Variants in SLC39A10 observed in about 807,000 individuals in gnomAD.
The protein encoded by SLC39A10 is solute carrier family 39 member 10, also known as zinc transporter ZIP10.
Under a neutral mutation model 65.1 loss-of-function variants are expected in SLC39A10, and 13 were observed. The ratio of observed to expected loss-of-function variants is 0.20; its 90% confidence interval spans 0.13 to 0.32. SLC39A10 has a LOEUF of 0.32. Among genes scored for constraint, SLC39A10 ranks in the 10% least tolerant of loss-of-function variants. The pLI, the probability that SLC39A10 is intolerant of heterozygous loss-of-function variation, is 1.00. For synonymous variants in SLC39A10, 321 were observed against 342.2 expected (o/e 0.94, Z 0.68); for missense variants, 831 against 1,018.4 (o/e 0.82, Z 2.50).
chr2:195,696,054 C>G (rs1387765374), intron 3 of SLC39A10, among the ~76,000 whole-genome samples: 1 of 152,110 alleles, frequency 6.6e-6, no homozygotes, highest in Non-Finnish European at 1.5e-5. Flanking sequence ...TTCTTTCTGT[C>G]ATTAAATGAT....
intron 8 of SLC39A10, among the ~76,000 whole-genome samples, chr2:195,727,215 G>C (rs1019455172): frequency 5.3e-5 from 8 of 152,124 alleles, no homozygotes; most frequent in African/African-American, 1.9e-4. Context: ...GGCGGGAGGA[G>C]AGTCCATTGA....
chr2:195,735,468 C>T lies in SLC39A10; in HGVS notation c.*427C>T, dbSNP rs1227275190. On this transcript the variant is annotated 3_prime_UTR_variant, in exon 10 of 10. Coordinates refer to ENST00000359634, the MANE Select transcript of SLC39A10 (RefSeq NM_020342.3). ...TGTGTTTTAAGAATGAATTGTAGTG[C>T]TCTTTAATTCAGCTACATATATTCA... 1.3e-5 allele frequency: 2 copies of T among 152,928 alleles called. No individual in the cohort carries two copies. The highest frequency in any genetic ancestry group is 4.8e-5 in the African/African-American group (2 of 41,422). The allele number at this position is 152,928 out of a possible 1,614,324, so 9.5% of individuals were successfully genotyped here.
At chr2:195,685,333 T>C (rs533137798) in intron 3 of SLC39A10, among the ~76,000 whole-genome samples, 2 of 152,288 alleles carry the variant, frequency 1.3e-5, no homozygotes, top group South Asian at 4.1e-4. Flanking sequence ...ATCACTAATA[T>C]ATATTTTTTA....
Position 195,728,065 on chromosome 2 carries a change from A to G in SLC39A10, c.2147-94A>G, listed in dbSNP as rs1692308608. On this transcript the variant is annotated intron_variant, in intron 8 of 9. Transcript: ENST00000359634. The surrounding 1 kb of genome is among the most constrained non-coding windows in gnomAD (Gnocchi z 4.4). ...TAAAATACTGTTATTAAAAGTGTGT[A>G]TCTTTTTAATGCTGATTTTATTTGT... The G allele has an allele frequency of 2.6e-6, 3 of 1,134,848 alleles. No individual in the cohort carries two copies. The highest frequency in any genetic ancestry group is 2.3e-4 in the Middle Eastern group (1 of 4,346). The allele number at this position is 1,134,848 out of a possible 1,614,324, so 70.3% of individuals were successfully genotyped here.
intron 1 of SLC39A10, among the ~76,000 whole-genome samples, chr2:195,666,771 T>C (rs1447050536): frequency 6.6e-6 from 1 of 152,236 alleles, no homozygotes; most frequent in African/African-American, 2.4e-5. Flanking sequence ...TGGTTAGCAC[T>C]GTAAGTCTGC....
At position 195,634,639 on chromosome 2, in the gene SLC39A10, A is replaced by T. The variant is rs565618168; in HGVS notation, c.-12+28406A>T. Among the ~76,000 whole-genome samples the T allele has an allele frequency of 3.3e-5, 5 of 152,342 alleles. No homozygotes were observed. In the East Asian group the frequency reaches 9.6e-4, roughly 29 times the overall value. Reference sequence around the variant, plus strand: ...AATATGTATGAGTAAAGATGCTTTCAACTGTAAGGAACAAAAAATCCTTCT... The same window carrying T: ...AATATGTATGAGTAAAGATGCTTTCTACTGTAAGGAACAAAAAATCCTTCT... On this transcript the variant is annotated intron_variant, in intron 2 of 2. Coordinates refer to the SLC39A10 transcript ENST00000458054.
Position 195,716,896 on chromosome 2 carries a change from T to C in SLC39A10, c.1956T>C (p.His652=). The change falls in exon 7 of 10, where the codon CAT becomes CAC. Residue 652 remains histidine (H), a synonymous_variant. Transcript: ENST00000359634. ...ACCACAAGCATTCTCATCATTCCCA[T>C]GGCCCCTGTCATTCTGGATCCGATC... ...QWHHKHSHHS[H]GPCHSGSDLK... 6.2e-7 allele frequency: 1 copy of C among 1,614,194 alleles called. No homozygotes were observed. Among genetic ancestry groups the C allele is most frequent in the Non-Finnish European group, 8.5e-7 (1 of 1,180,028 alleles).
intron 2 of SLC39A10, among the ~76,000 whole-genome samples, chr2:195,682,479 A>G (rs962675906): frequency 3.1e-4 from 46 of 150,668 alleles, no homozygotes; most frequent in African/African-American, 1.1e-3. Flanking sequence ...TTTTGTAAAG[A>G]TGGGGTCTCA....
intron 1 of SLC39A10, among the ~76,000 whole-genome samples, chr2:195,673,509 T>C (rs1247519206): frequency 6.6e-6 from 1 of 152,212 alleles, no homozygotes; most frequent in Non-Finnish European, 1.5e-5. Flanking sequence ...TTTGTATAAA[T>C]AGGCACTCTC....
At chr2:195,652,338 A>T (rs932663145), upstream of SLC39A10, among the ~76,000 whole-genome samples, 1 of 152,068 alleles carries the variant, frequency 6.6e-6, no homozygotes, top group Non-Finnish European at 1.5e-5. Flanking sequence ...ACTTGAGGTC[A>T]GGAGTTTGAA....
At chr2:195,662,415 C>A (rs187139568) in intron 1 of SLC39A10, among the ~76,000 whole-genome samples, 88 of 151,852 alleles carry the variant, frequency 5.8e-4, no homozygotes, top group African/African-American at 2.0e-3. Context: ...AATACGGGAG[C>A]GTGTGCCACC....
rs77362387 is a variant in SLC39A10 at position 195,704,149 on chromosome 2, C to T, written c.1217-2467C>T. 4.6e-3 allele frequency among the ~76,000 whole-genome samples: 694 copies of T among 152,200 alleles called. 25 individuals are homozygous for T. In the East Asian group the frequency reaches 0.098, roughly 21 times the overall value. ...CTATATTTACATTAGTAAGTAAATACATTTTATTTTTTTCTCCTAGAGTAT... is the reference window on the plus strand; with the variant it reads ...CTATATTTACATTAGTAAGTAAATATATTTTATTTTTTTCTCCTAGAGTAT... On this transcript the variant is annotated intron_variant, in intron 3 of 9. Coordinates refer to ENST00000359634, the MANE Select transcript of SLC39A10 (RefSeq NM_020342.3).
intron 8 of SLC39A10, among the ~76,000 whole-genome samples, chr2:195,726,805 T>C (rs1281362288): frequency 6.6e-6 from 1 of 152,210 alleles, no homozygotes; most frequent in Non-Finnish European, 1.5e-5. Context: ...TCATGTATTT[T>C]TAGATACGTA....
intron 2 of SLC39A10, among the ~76,000 whole-genome samples, chr2:195,681,920 T>C (rs1245039068): frequency 1.3e-5 from 2 of 152,184 alleles, no homozygotes; most frequent in Admixed American, 1.3e-4. Flanking sequence ...TATGGCTAGC[T>C]TGTTTTCTCT....
intron 7 of SLC39A10, among the ~76,000 whole-genome samples, chr2:195,717,551 G>A (rs1176155399): frequency 6.6e-6 from 1 of 151,996 alleles, no homozygotes; most frequent in African/African-American, 2.4e-5. Context: ...CTTTCAGAAA[G>A]CGGAGACCAT....
intron 1 of SLC39A10, among the ~76,000 whole-genome samples, chr2:195,676,068 A>G (rs1690076496): frequency 6.6e-6 from 1 of 151,752 alleles, no homozygotes; most frequent in South Asian, 2.1e-4. Flanking sequence ...GTAGTAGTGG[A>G]GTTTTTTTAT....
At chr2:195,672,307 T>G (rs1689897134) in intron 1 of SLC39A10, among the ~76,000 whole-genome samples, 1 of 152,030 alleles carries the variant, frequency 6.6e-6, no homozygotes, top group Admixed American at 6.6e-5. Context: ...TTTTTTACTT[T>G]TTTTGTAGAG....
intron 2 of SLC39A10, among the ~76,000 whole-genome samples, chr2:195,621,021 C>G (rs545080123): frequency 2.6e-5 from 4 of 152,262 alleles, no homozygotes; most frequent in African/African-American, 9.6e-5. Flanking sequence ...ATAGAGGGTT[C>G]AAGAGTCTGG....
chr2:195,708,960 G>A (rs1691505309), intron 5 of SLC39A10, 116 bp downstream of exon 5: 1 of 691,160 alleles, frequency 1.4e-6, no homozygotes. Flanking sequence ...TCTCAGTTTT[G>A]TAACAGCTAA....
Sources: gnomAD v4.1 joint callset for allele counts (sites outside exome capture counted in the v4.1 genomes callset) on GRCh38, gnomAD v4.1.1 for gene constraint, Gnocchi (gnomAD v3.1) non-coding constraint, MANE v1.5 for transcripts, NCBI Gene and HGNC (gene_info 2026-07-23, HGNC 2026-07-21) for gene names.